Variants in SLC35F5 observed in about 807,000 individuals in gnomAD.
The protein encoded by SLC35F5 is solute carrier family 35 member F5, also known as HCV NS5A-transactivated protein 3.
Under a neutral mutation model 68.6 loss-of-function variants are expected in SLC35F5, and 54 were observed. That is an observed-to-expected ratio of 0.79 (90% CI 0.63 to 0.99). The LOEUF is 0.99. Among genes scored for constraint, SLC35F5 ranks in the 50% least tolerant of loss-of-function variants. SLC35F5 has a pLI of 0.00. For missense variants in SLC35F5, 567 were observed against 626.9 expected, an observed-to-expected ratio of 0.90 and a Z score of 1.02; for synonymous variants, 211 against 205.2, an observed-to-expected ratio of 1.03 and a Z score of -0.24.
At chr2:113,731,723 T>A in intron 9 of SLC35F5, 75 bp from the exon 10 acceptor site, 1 of 1,219,280 alleles carries the variant, frequency 8.2e-7, no homozygotes. Flanking sequence ...AAATTATTTA[T>A]AAGTGATCAA....
chr2:113,742,756 A>G lies in SLC35F5; in HGVS notation c.686T>C (p.Leu229Pro). ...SYPVKEQESILKTVGKLTATQ... is the reference protein window; with the variant it reads ...SYPVKEQESIPKTVGKLTATQ... ...TGCAGTAAGTTTCCCCACAGTTTTC[A>G]GTATGGATTCTTGTTCTTTCACAGG... is the stretch of plus-strand genomic sequence containing the variant. Residue 229 changes from leucine (L) to proline (P), a missense_variant, in exon 7 of 16, where the codon CTG (leucine) becomes CCG (proline). By Grantham distance (98) the Leu-to-Pro change is moderately conservative (BLOSUM62 -3). Transcript: ENST00000245680. 6.2e-7 allele frequency: 1 copy of G among 1,614,138 alleles called. No homozygotes were observed. The highest frequency in any genetic ancestry group is 8.5e-7 in the Non-Finnish European group (1 of 1,180,012).
At chr2:113,719,954 G>A (rs984084103) in intron 13 of SLC35F5, among the ~76,000 whole-genome samples, 2 of 151,630 alleles carry the variant, frequency 1.3e-5, no homozygotes, top group Non-Finnish European at 2.9e-5. Flanking sequence ...CCTCATCAGT[G>A]ATGTCAACAA....
At chr2:113,705,624 CTAAG>C (rs908500870), downstream of SLC35F5, 21 of 151,890 alleles carry the variant, frequency 1.4e-4, no homozygotes, top group African/African-American at 4.8e-4. Context: ...TGACAAATGA[CTAAG>C]TGACTTTTCA....
Position 113,719,173 on chromosome 2 carries a change from T to G in SLC35F5, c.1477A>C (p.Arg493=), listed in dbSNP as rs1158074157. The G allele has an allele frequency of 6.2e-7, 1 of 1,606,942 alleles. No individual in the cohort carries two copies. The highest frequency in any genetic ancestry group is 1.3e-5 in the African/African-American group (1 of 74,456). Reference sequence around the variant, plus strand: ...ACTTACCTCTGAATTCGATGTTTTCTGCATATAAAAGCAAATATTCTTCTG... The same window carrying G: ...ACTTACCTCTGAATTCGATGTTTTCGGCATATAAAAGCAAATATTCTTCTG... ...GIRRIFAFIC[R]KHRIQRVPED... is the part of the protein sequence containing the mutation. The change falls in exon 14 of 16, where the codon AGA becomes CGA. Residue 493 remains arginine (R), a synonymous_variant. Transcript: ENST00000245680.
rs1053957307 is a variant in SLC35F5 at position 113,735,658 on chromosome 2, T to C, written c.832+119A>G. ...AAAAGGCAGTTGTAATAGACTAATG[T>C]ATATTAGAACTAATGTAAGAAGCTA... On this transcript the variant is annotated intron_variant, in intron 8 of 15. Transcript: ENST00000245680. 8 of 602,374 alleles carry C rather than the reference T, an allele frequency of 1.3e-5. 1 individual carries two copies. The South Asian group carries it at 1.4e-4, about 11-fold the overall frequency. The allele number at this position is 602,374 out of a possible 1,614,324, so 37.3% of individuals were successfully genotyped here.
intron 12 of SLC35F5, among the ~76,000 whole-genome samples, chr2:113,724,383 T>C (rs1165735639): frequency 6.6e-6 from 1 of 152,140 alleles, no homozygotes; most frequent in Admixed American, 6.5e-5. Context: ...AAAATGTACA[T>C]AACTAAAGAT....
intron 7 of SLC35F5, chr2:113,741,867 T>C (rs921963854): frequency 6.6e-6 from 1 of 152,102 alleles, no homozygotes; most frequent in Non-Finnish European, 1.5e-5. Flanking sequence ...TTTTAATGAG[T>C]ATGAAAGGCA....
intron 10 of SLC35F5, 139 bp downstream of exon 10, chr2:113,731,445 A>T (rs1574236562): frequency 6.7e-6 from 4 of 599,136 alleles, no homozygotes; most frequent in Admixed American, 2.5e-5. Flanking sequence ...GCATTTTTTT[A>T]TGTTATTTCC....
At chr2:113,722,027 C>A (rs1229960540) in intron 13 of SLC35F5, among the ~76,000 whole-genome samples, 1 of 130,634 alleles carries the variant, frequency 7.7e-6, no homozygotes, top group Non-Finnish European at 1.5e-5. Context: ...CAGGCTGGAG[C>A]GCAGTGGCAT....
Position 113,717,412 on chromosome 2 carries a change from A to G in SLC35F5, c.*22+341T>C, listed in dbSNP as rs185063776. The G allele has an allele frequency of 2.9e-4, 47 of 160,008 alleles. No homozygotes were observed. The East Asian group carries it at 8.1e-3, about 28-fold the overall frequency. The allele number at this position is 160,008 out of a possible 1,614,324, so 9.9% of individuals were successfully genotyped here. A position where few individuals can be genotyped will look rare whatever the true frequency, so the allele number is the denominator to read the frequency against. ...CATATTATTAAATAAAATGACCCTT[A>G]GCATGAATAAAAATGAGTTAAAACT... On this transcript the variant is annotated intron_variant, in intron 15 of 15. Transcript: ENST00000245680.
At chr2:113,731,163 CAA>C (rs1687869356) in intron 10 of SLC35F5, among the ~76,000 whole-genome samples, 1 of 151,984 alleles carries the variant, frequency 6.6e-6, no homozygotes, top group Admixed American at 6.6e-5. Context: ...TGGTACCCTA[CAA>C]AAGTGTCAAG....
rs1171620222 is a variant in SLC35F5, at chr2:113,708,826, A to C, written c.*6392T>G. Among the ~76,000 whole-genome samples the C allele has an allele frequency of 2.0e-5, 3 of 152,088 alleles. No individual in the cohort carries two copies. The highest frequency in any genetic ancestry group is 7.2e-5 in the African/African-American group (3 of 41,418). On this transcript the variant is annotated 3_prime_UTR_variant, in exon 16 of 16. Transcript: ENST00000245680. ...ACTGATTTGATGCTGTCTGAAAATC[A>C]AGATCAAGCAGGTGATGAAAACTAT...
rs1451504865 is a variant in SLC35F5 at position 113,714,965 on chromosome 2, G to C, written c.*253C>G. On this transcript the variant is annotated 3_prime_UTR_variant, in exon 16 of 16. Coordinates refer to ENST00000245680, the MANE Select transcript of SLC35F5 (RefSeq NM_025181.5). ...TGAATTCCTTGAGATGTGTAAGGCA[G>C]GTTGGTCCTTTGGATGGACTGTAGA... 1.6e-4 allele frequency: 25 copies of C among 152,582 alleles called. No homozygotes were observed. The highest frequency in any genetic ancestry group is 1.5e-5 in the Non-Finnish European group (1 of 68,004). The allele number at this position is 152,582 out of a possible 1,614,324, so 9.5% of individuals were successfully genotyped here. A position where few individuals can be genotyped will look rare whatever the true frequency, so the allele number is the denominator to read the frequency against.
At chr2:113,752,870 G>C (rs1475315123) in intron 3 of SLC35F5, among the ~76,000 whole-genome samples, 4 of 152,084 alleles carry the variant, frequency 2.6e-5, no homozygotes, top group African/African-American at 9.7e-5. Context: ...TATGTTAATG[G>C]CATAGTGATT....
chr2:113,740,713 A>G (rs1574252912), intron 7 of SLC35F5, among the ~76,000 whole-genome samples: 1 of 151,094 alleles, frequency 6.6e-6, no homozygotes, highest in Admixed American at 6.6e-5. Context: ...TGCAACCTCC[A>G]CCTCCTGGGT....
chr2:113,719,381 T>C, intron 13 of SLC35F5, 73 bp from the exon 14 acceptor site: 1 of 1,378,196 alleles, frequency 7.3e-7, no homozygotes, highest in Non-Finnish European at 9.6e-7. Context: ...CAATGTAAGT[T>C]TTCTATTTGT....
At chr2:113,741,519 T>C (rs1342010358) in intron 7 of SLC35F5, among the ~76,000 whole-genome samples, 2 of 152,150 alleles carry the variant, frequency 1.3e-5, no homozygotes, top group African/African-American at 4.8e-5. Context: ...ATGACCAACA[T>C]GGAGAAATCC....
At chr2:113,725,775 A>G in intron 11 of SLC35F5, 1 of 369,310 alleles carries the variant, frequency 2.7e-6, no homozygotes, top group Non-Finnish European at 4.9e-6. Context: ...TATGGGAGCA[A>G]CTACTATGGA....
rs1381612550 is a variant in SLC35F5, at chr2:113,712,337, G to A, written c.*2881C>T. ...AAAAGTATTCACTTTTTTTTTTTTT[G>A]AGACGGAGTCTCGCTGTCGCCCAGG... On this transcript the variant is annotated 3_prime_UTR_variant, in exon 16 of 16. Transcript: ENST00000245680. 7.4e-6 allele frequency among the ~76,000 whole-genome samples: 1 copy of A among 134,382 alleles called. No individual in the cohort carries two copies. The highest frequency in any genetic ancestry group is 1.6e-5 in the Non-Finnish European group (1 of 62,412). The allele number at this position is 134,382 out of a possible 152,430, so 88.2% of individuals were successfully genotyped here. A position where few individuals can be genotyped will look rare whatever the true frequency, so the allele number is the denominator to read the frequency against.
Sources: gnomAD v4.1 joint callset for allele counts (sites outside exome capture counted in the v4.1 genomes callset) on GRCh38, gnomAD v4.1.1 for gene constraint, MANE v1.5 for transcripts, NCBI Gene and HGNC (gene_info 2026-07-23, HGNC 2026-07-21) for gene names.